The following L3MBTL3 variants were observed in gnomAD, a reference collection of about 807,000 sequenced individuals.
The protein encoded by L3MBTL3 is lethal(3)malignant brain tumor-like protein 3.
Under a neutral mutation model 102.3 loss-of-function variants are expected in L3MBTL3, and 27 were observed. The observed-to-expected ratio is 0.26, with a 90% CI of 0.19 to 0.36. The LOEUF (loss-of-function observed/expected upper bound fraction) is 0.36, where lower values mean the gene tolerates loss of function less well. Ranked by LOEUF, L3MBTL3 falls within the 10% of genes least tolerant of loss-of-function variation. The pLI is 1.00. For synonymous variants in L3MBTL3, 340 were observed against 320.9 expected (o/e 1.06, Z -0.64); for missense variants, 798 against 955.3 (o/e 0.84, Z 2.17).
chr6:130,132,259 C>T (rs1364761829), intron 20 of L3MBTL3, among the ~76,000 whole-genome samples: 1 of 152,078 alleles, frequency 6.6e-6, no homozygotes, highest in Non-Finnish European at 1.5e-5. Context: ...AAGCCAGATA[C>T]CCAAGTTTCC....
chr6:130,141,240 C>T lies in L3MBTL3; in HGVS notation c.*1487C>T, dbSNP rs1485525884. Reference sequence around the variant, plus strand: ...TCCTTTGATATCCCTGTTGGAAGTCCATTAGCAGTCCTTTGCATTTGCCAA... The same window carrying T: ...TCCTTTGATATCCCTGTTGGAAGTCTATTAGCAGTCCTTTGCATTTGCCAA... On this transcript the variant is annotated 3_prime_UTR_variant, in exon 23 of 23. Coordinates refer to ENST00000361794, the MANE Select transcript of L3MBTL3 (RefSeq NM_032438.4). 6.6e-6 allele frequency: 1 copy of T among 152,168 alleles called. No individual in the cohort carries two copies. The allele number at this position is 152,168 out of a possible 1,614,324, so 9.4% of individuals were successfully genotyped here.
At chr6:130,050,373 T>C (rs1182303462) in intron 5 of L3MBTL3, among the ~76,000 whole-genome samples, 2 of 152,242 alleles carry the variant, frequency 1.3e-5, no homozygotes, top group Admixed American at 1.3e-4. Context: ...TCCCAACACA[T>C]CATGTGGTTT....
chr6:130,086,073 CTTT>C, intron 15 of L3MBTL3, 64 bp from the exon 16 acceptor site: 1 of 1,080,480 alleles, frequency 9.3e-7, no homozygotes, highest in Non-Finnish European at 1.4e-6. Flanking sequence ...TCTTCTTCTT[CTTT>C]GTAACATCAA....
At chr6:130,044,807 A>G (rs1480285331) in intron 3 of L3MBTL3, among the ~76,000 whole-genome samples, 1 of 152,216 alleles carries the variant, frequency 6.6e-6, no homozygotes, top group East Asian at 1.9e-4. Flanking sequence ...CTTAAAATCC[A>G]AGTTGCTTAA....
chr6:130,092,239 G>A (rs374314476), intron 16 of L3MBTL3, among the ~76,000 whole-genome samples: 3 of 152,080 alleles, frequency 2.0e-5, no homozygotes, highest in African/African-American at 7.2e-5. Context: ...GGGATATTTC[G>A]TAAATTGAAT....
intron 2 of L3MBTL3, among the ~76,000 whole-genome samples, chr6:130,039,964 T>A (rs550110782): frequency 6.6e-6 from 1 of 152,220 alleles, no homozygotes; most frequent in Admixed American, 6.5e-5. Flanking sequence ...TCTTAAAGAT[T>A]ATTTGCAGTG....
intron 14 of L3MBTL3, among the ~76,000 whole-genome samples, chr6:130,083,237 T>C (rs1783478854): frequency 1.3e-5 from 2 of 152,174 alleles, no homozygotes; most frequent in Admixed American, 6.5e-5. Context: ...CACATTTGTA[T>C]ATTGAAGGTC....
At chr6:130,048,364 C>T (rs781127281) in intron 3 of L3MBTL3, among the ~76,000 whole-genome samples, 1 of 152,102 alleles carries the variant, frequency 6.6e-6, no homozygotes, top group Non-Finnish European at 1.5e-5. Context: ...TATGGAAAAA[C>T]AGAAGGAATA....
At chr6:130,086,598 GTAGAT>G (rs1783707429) in intron 16 of L3MBTL3, among the ~76,000 whole-genome samples, 1 of 152,136 alleles carries the variant, frequency 6.6e-6, no homozygotes, top group South Asian at 2.1e-4. Context: ...TTTTTGTGGG[GTAGAT>G]TAGAAGTAGT....
chr6:130,106,467 T>C (rs1221768239), intron 19 of L3MBTL3, among the ~76,000 whole-genome samples: 1 of 152,222 alleles, frequency 6.6e-6, no homozygotes, highest in Admixed American at 6.5e-5. Flanking sequence ...ATGTCCTTGC[T>C]CTATATCACT....
intron 1 of L3MBTL3, among the ~76,000 whole-genome samples, chr6:130,019,196 G>A (rs1259839609): frequency 6.6e-6 from 1 of 150,506 alleles, no homozygotes; most frequent in Non-Finnish European, 1.5e-5. Flanking sequence ...CGTGACACCG[G>A]GCGCGGGGTG....
chr6:130,120,638 A>G (rs1786093528), intron 19 of L3MBTL3, among the ~76,000 whole-genome samples: 1 of 152,226 alleles, frequency 6.6e-6, no homozygotes, highest in Non-Finnish European at 1.5e-5. Context: ...AGAATAGTTC[A>G]TTTTATTATC....
chr6:130,104,542 A>G lies in L3MBTL3; in HGVS notation c.1853A>G (p.Asp618Gly). ...SPSFPRNKRTDANESSSSPEI... is the reference protein window; with the variant it reads ...SPSFPRNKRTGANESSSSPEI... ...TCATTTCCAAGAAATAAAAGGACAGATGCAAATGAAAGCTCTTCTTCCCCT... is the reference window on the plus strand; with the variant it reads ...TCATTTCCAAGAAATAAAAGGACAGGTGCAAATGAAAGCTCTTCTTCCCCT... The change falls in exon 19 of 23, where the codon GAT becomes GGT. Residue 618 changes from aspartate (D) to glycine (G), a missense_variant. Physicochemically the swap from Asp to Gly is moderately conservative, Grantham distance 94. Coordinates refer to ENST00000361794, the MANE Select transcript of L3MBTL3 (RefSeq NM_032438.4). 6.3e-7 allele frequency: 1 copy of G among 1,587,680 alleles called. No homozygotes were observed. The highest frequency in any genetic ancestry group is 1.2e-5 in the South Asian group (1 of 84,060).
At chr6:130,019,153 CG>C (rs1287190907) in intron 1 of L3MBTL3, among the ~76,000 whole-genome samples, 1 of 151,236 alleles carries the variant, frequency 6.6e-6, no homozygotes, top group Non-Finnish European at 1.5e-5. Flanking sequence ...CCCCCTCCCC[CG>C]CGCCCCCCGA....
intron 3 of L3MBTL3, among the ~76,000 whole-genome samples, chr6:130,048,370 G>A (rs1335488924): frequency 6.6e-6 from 1 of 152,136 alleles, no homozygotes; most frequent in African/African-American, 2.4e-5. Flanking sequence ...AAAACAGAAG[G>A]AATACAGAAA....
intron 19 of L3MBTL3, among the ~76,000 whole-genome samples, chr6:130,111,083 A>G (rs983029996): frequency 6.6e-6 from 1 of 152,158 alleles, no homozygotes. Context: ...GACAATTTGC[A>G]TCCTTGGAAG....
rs577412693 is a variant in L3MBTL3, at chr6:130,038,069, C to T, written c.-15-4616C>T. The stretch of plus-strand genomic sequence containing the variant: ...ACCTTCTTTTACTTAACATAATGTC[C>T]TTCAGGCTTATCCATGCTGTCACAA... On this transcript the variant is annotated intron_variant, in intron 2 of 22. Transcript: ENST00000361794. Among the ~76,000 whole-genome samples the T allele has an allele frequency of 2.6e-5, 4 of 152,120 alleles. 1 individual carries two copies. The highest frequency in any genetic ancestry group is 9.6e-5 in the African/African-American group (4 of 41,528).
At chr6:130,034,514 T>C (rs1451052643) in intron 2 of L3MBTL3, among the ~76,000 whole-genome samples, 1 of 152,236 alleles carries the variant, frequency 6.6e-6, no homozygotes, top group East Asian at 1.9e-4. Context: ...TGTGTCTGAG[T>C]CATCATTGCA....
At chr6:130,129,361 C>G (rs1228463494) in intron 20 of L3MBTL3, among the ~76,000 whole-genome samples, 3 of 152,070 alleles carry the variant, frequency 2.0e-5, no homozygotes, top group Non-Finnish European at 4.4e-5. Context: ...TATTATTTTT[C>G]TCTGCAGTAT....
Sources: allele counts gnomAD v4.1 joint callset (sites outside exome capture counted in the v4.1 genomes callset), GRCh38; gene constraint gnomAD v4.1.1; transcripts MANE v1.5; gene names NCBI Gene and HGNC (gene_info 2026-07-23, HGNC 2026-07-21).